ARID1A: variants seen among roughly 807,000 people sequenced by gnomAD.
ARID1A encodes AT-rich interactive domain-containing protein 1A.
ARID1A carries 20 observed loss-of-function variants against 212.6 expected under a neutral mutation model. The ratio of observed to expected loss-of-function variants is 0.09; its 90% CI spans 0.07 to 0.14. The LOEUF (loss-of-function observed/expected upper bound fraction) is 0.14. ARID1A is among the 10% of genes least tolerant of loss of function. ARID1A has a pLI of 1.00. For missense variants in ARID1A, 2,587 were observed against 3,059.0 expected (o/e 0.85, Z 3.64); for synonymous variants, 1,376 against 1,222.1 (o/e 1.13, Z -2.63).
rs377624643 is a variant in ARID1A at position 26,780,777 on chromosome 1, C to T, written c.*21C>T. The T allele has an allele frequency of 2.3e-4, 356 of 1,543,816 alleles. 1 individual carries two copies. In the South Asian group the frequency reaches 3.9e-3, roughly 17 times the overall value. The stretch of plus-strand genomic sequence containing the variant: ...CATGACAGCCGTGGGACACCTCCCC[C>T]CCCCGTGTGTGTGTGCGTGTGTGGA... On this transcript the variant is annotated 3_prime_UTR_variant, in exon 20 of 20. Transcript: ENST00000324856. The surrounding 1 kb of genome is among the most constrained non-coding windows in gnomAD (Gnocchi z 7.2).
At chr1:26,718,519 G>T (rs951722955) in intron 1 of ARID1A, among the ~76,000 whole-genome samples, 4 of 152,150 alleles carry the variant, frequency 2.6e-5, no homozygotes, top group South Asian at 4.1e-4. Context: ...TCCGTAGGGG[G>T]TTGGTTCCAG....
chr1:26,752,340 G>A (rs959268989), intron 4 of ARID1A, among the ~76,000 whole-genome samples: 1 of 152,216 alleles, frequency 6.6e-6, no homozygotes, highest in Non-Finnish European at 1.5e-5. Context: ...TAATGTCACA[G>A]CAGTTCTGTA....
In ARID1A at chr1:26,763,157, T is replaced by C; in HGVS notation, c.2604T>C (p.Tyr868=). Residue 868 remains tyrosine (Y), a synonymous_variant, in exon 8 of 20, where the codon TAT becomes TAC. Coordinates refer to ENST00000324856, the MANE Select transcript of ARID1A (RefSeq NM_006015.6). ...ACGCCTCCATGGGCAACCGGCCTTA[T>C]GGCCCTAACATGGCCAATATGCCAC... ...MSHASMGNRP[Y]GPNMANMPPQ... is the part of the protein sequence containing the mutation. The C allele has an allele frequency of 1.2e-6, 2 of 1,614,280 alleles. No homozygotes were observed. Among genetic ancestry groups the C allele is most frequent in the Non-Finnish European group, 8.5e-7 (1 of 1,180,052 alleles).
rs1022075531 is a variant in ARID1A, at chr1:26,696,379, C to G, written c.-25C>G. The G allele has an allele frequency of 8.0e-7, 1 of 1,245,898 alleles. No individual in the cohort carries two copies. 77.2% of individuals were successfully genotyped at this position (1,245,898 alleles called of 1,614,324 possible). A position where few individuals can be genotyped will look rare whatever the true frequency, so the allele number is the denominator to read the frequency against. On this transcript the variant is annotated 5_prime_UTR_variant, in exon 1 of 20. Coordinates refer to ENST00000324856, the MANE Select transcript of ARID1A (RefSeq NM_006015.6). ...AGAAGACGAAGACAGGGCCGGGTCT[C>G]TCCGCGGACGAGACAGCGGGGATCA... is the stretch of plus-strand genomic sequence containing the variant.
At position 26,779,590 on chromosome 1, in the gene ARID1A, C is replaced by CCACCTGAT; in HGVS notation, c.5693_5700dup (p.Gly1901HisfsTer25). Reference sequence around the variant, plus strand: ...AGGGACAACAGACCAGGAGGGGCCCCCACCTGATGGACCTCCAGAAAAACG... The same window carrying CCACCTGAT: ...AGGGACAACAGACCAGGAGGGGCCCCCACCTGATCACCTGATGGACCTCCAGAAAAACG... On this transcript the variant is annotated frameshift_variant, in exon 20 of 20. Transcript: ENST00000324856. LOFTEE classifies it high-confidence loss of function. The CCACCTGAT allele has an allele frequency of 6.2e-7, 1 of 1,614,110 alleles. No homozygotes were observed. The highest frequency in any genetic ancestry group is 8.5e-7 in the Non-Finnish European group (1 of 1,180,026).
Position 26,761,070 on chromosome 1 carries a change from G to C in ARID1A, c.2135G>C (p.Gly712Ala), listed in dbSNP as rs757840961. 2 of 1,614,008 alleles carry C rather than the reference G, an allele frequency of 1.2e-6. No individual in the cohort carries two copies. Among genetic ancestry groups the C allele is most frequent in the Non-Finnish European group, 1.7e-6 (2 of 1,180,022 alleles). ...GCCAGTGTTGCTCAGTCTCGCTCAGGACCACTCTCGCCTGCTGCAGTGCCA... is the reference window on the plus strand; with the variant it reads ...GCCAGTGTTGCTCAGTCTCGCTCAGCACCACTCTCGCCTGCTGCAGTGCCA... ...SPASVAQSRS[G>A]PLSPAAVPGN... Residue 712 changes from glycine (G) to alanine (A), a missense_variant, in exon 5 of 20, where the codon GGA becomes GCA. Gly to Ala is a moderately conservative substitution (Grantham distance 60). Coordinates refer to ENST00000324856, the MANE Select transcript of ARID1A (RefSeq NM_006015.6).
chr1:26,775,255 G>C (rs2081124029), intron 18 of ARID1A, 35 bp downstream of exon 18: 1 of 1,537,120 alleles, frequency 6.5e-7, no homozygotes, highest in Admixed American at 2.0e-5. Flanking sequence ...TGCCTAATCT[G>C]CCCCTTTCCA....
chr1:26,752,812 T>TGCAA (rs1219597999), intron 4 of ARID1A: 1 of 152,234 alleles, frequency 6.6e-6, no homozygotes, highest in Non-Finnish European at 1.5e-5. Flanking sequence ...ATGGCTGAGC[T>TGCAA]GCAAGGTTCC....
At chr1:26,698,012 G>GCTCGAGGGGAC (rs915191569) in intron 1 of ARID1A, among the ~76,000 whole-genome samples, 47 of 152,250 alleles carry the variant, frequency 3.1e-4, no homozygotes, top group African/African-American at 9.9e-4. Context: ...GGCCCCTAGA[G>GCTCGAGGGGAC]CTCGAGGGGA....
At chr1:26,740,028 A>C (rs1570584350) in intron 4 of ARID1A, among the ~76,000 whole-genome samples, 1 of 148,720 alleles carries the variant, frequency 6.7e-6, no homozygotes. Context: ...TGGCCAAGTT[A>C]TGTTAATGCT....
intron 4 of ARID1A, among the ~76,000 whole-genome samples, chr1:26,734,253 C>T (rs2080707290): frequency 6.6e-6 from 1 of 151,786 alleles, no homozygotes; most frequent in Non-Finnish European, 1.5e-5. Flanking sequence ...GAACCCAAAT[C>T]GGTGGATTTC....
chr1:26,756,524 C>G (rs1381066279), intron 4 of ARID1A, among the ~76,000 whole-genome samples: 1 of 151,028 alleles, frequency 6.6e-6, no homozygotes, highest in African/African-American at 2.4e-5. Flanking sequence ...CCACTGCCCT[C>G]CAGCCTGGGT....
chr1:26,779,659 A>G lies in ARID1A; in HGVS notation c.5761A>G (p.Thr1921Ala), dbSNP rs1245828851. 1 of 1,613,980 alleles carries G rather than the reference A, an allele frequency of 6.2e-7. No homozygotes were observed. The highest frequency in any genetic ancestry group is 2.2e-5 in the East Asian group (1 of 44,892). Residue 1921 changes from threonine (T) to alanine (A), a missense_variant, in exon 20 of 20, where the codon ACC becomes GCC. Transcript: ENST00000324856. ...MDDMLSTRSS[T>A]LTEDGAKSSE... is the part of the protein sequence containing the mutation. Reference sequence around the variant, plus strand: ...TGACATGTTGTCTACTCGGTCTAGCACCTTGACCGAGGATGGAGCTAAGAG... The same window carrying G: ...TGACATGTTGTCTACTCGGTCTAGCGCCTTGACCGAGGATGGAGCTAAGAG...
At chr1:26,778,642 A>C (rs1570620557) in intron 19 of ARID1A, 1 of 163,644 alleles carries the variant, frequency 6.1e-6, no homozygotes, top group African/African-American at 2.4e-5. Flanking sequence ...TCCACTTGGC[A>C]GTGAGATGGA....
intron 1 of ARID1A, among the ~76,000 whole-genome samples, chr1:26,709,626 CT>C (rs57532083): frequency 0.09 from 10,648 of 118,532 alleles, 435 homozygotes; most frequent in Non-Finnish European, 0.096. Context: ...TACTGTAATG[CT>C]TTTTTTTTTT....
chr1:26,743,919 A>G (rs1169753641), intron 4 of ARID1A, among the ~76,000 whole-genome samples: 2 of 152,204 alleles, frequency 1.3e-5, no homozygotes, highest in Non-Finnish European at 2.9e-5. Context: ...TTGATTTTCA[A>G]AAAGATAACA....
Position 26,781,623 on chromosome 1 carries a change from C to A in ARID1A, c.*867C>A, listed in dbSNP as rs536545312. On this transcript the variant is annotated 3_prime_UTR_variant, in exon 20 of 20. Transcript: ENST00000324856. ...CGCTGCCACGTGTGTATATATATGA[C>A]GTTGTACATTGCACATACCCTTGGA... is the stretch of plus-strand genomic sequence containing the variant. The A allele has an allele frequency of 1.7e-5, 4 of 233,712 alleles. No individual in the cohort carries two copies. The Admixed American group carries it at 2.2e-4, about 13-fold the overall frequency. 14.5% of individuals were successfully genotyped at this position (233,712 alleles called of 1,614,324 possible).
intron 4 of ARID1A, among the ~76,000 whole-genome samples, chr1:26,756,578 AC>A (rs1203523542): frequency 3.3e-5 from 5 of 150,716 alleles, no homozygotes; most frequent in East Asian, 2.0e-4. Context: ...AAAAAAAAAA[AC>A]AAAAAAACAC....
chr1:26,776,302 G>C (rs1489730820), intron 19 of ARID1A, among the ~76,000 whole-genome samples: 1 of 146,918 alleles, frequency 6.8e-6, no homozygotes, highest in East Asian at 2.0e-4. Flanking sequence ...TTTTGACTGA[G>C]TCTCTCTGTC....
Sources: gnomAD v4.1 joint callset for allele counts (sites outside exome capture counted in the v4.1 genomes callset) on GRCh38, gnomAD v4.1.1 for gene constraint, Gnocchi (gnomAD v3.1) non-coding constraint, MANE v1.5 for transcripts, NCBI Gene and HGNC (gene_info 2026-07-23, HGNC 2026-07-21) for gene names.